Variants in SLC17A9 observed in about 807,000 individuals in gnomAD.
SLC17A9 encodes the protein voltage-gated purine nucleotide uniporter SLC17A9.
In SLC17A9, 49 loss-of-function variants were observed where a neutral mutation model predicts 55.0. The ratio of observed to expected loss-of-function variants is 0.89; its 90% CI spans 0.71 to 1.13. The LOEUF (loss-of-function observed/expected upper bound fraction) is 1.13. Ranked by LOEUF, SLC17A9 falls within the 50% of genes most tolerant of loss-of-function variation. The probability of loss-of-function intolerance (pLI) is 0.00; values close to 1 mark genes in which losing one functional copy is unlikely to be tolerated. For synonymous variants in SLC17A9, 256 were observed against 247.4 expected (o/e 1.03, Z -0.32); for missense variants, 526 against 569.3 (o/e 0.92, Z 0.77).
Position 62,957,576 on chromosome 20 carries a change from C to T in SLC17A9, c.393C>T (p.Leu131=), listed in dbSNP as rs1264200619. ...MTFSRILMGL[L]QGVYFPALTS... ...TCTCACGCATCCTCATGGGCTTGCT[C>T]CAAGGTAAGGGGAGCTCAGGCGGCT... The change falls in exon 3 of 13, where the codon CTC becomes CTT. Residue 131 remains leucine (L), a synonymous_variant. Transcript: ENST00000370351. 1 of 1,556,106 alleles carries T rather than the reference C, an allele frequency of 6.4e-7. No homozygotes were observed. The highest frequency in any genetic ancestry group is 8.7e-7 in the Non-Finnish European group (1 of 1,153,158).
chr20:62,965,625 C>T lies in SLC17A9; in HGVS notation c.961C>T (p.Leu321Phe), dbSNP rs370886208. ...TTTCCTGCAGGGCATGGGCCTTGGC[C>T]TCTCCAGCGTCTTTGCTCTGTGCCT... ...RKLMQGMGLG[L>F]SSVFALCLGH... Residue 321 changes from leucine to phenylalanine, a missense_variant, in exon 10 of 13, where the codon CTC becomes TTC. By Grantham distance (22) the Leu-to-Phe change is conservative. Transcript: ENST00000370351. 5.0e-6 allele frequency: 8 copies of T among 1,613,378 alleles called. 1 individual carries two copies. The African/African-American group carries it at 1.1e-4, about 21-fold the overall frequency.
At chr20:62,957,027 A>G in intron 2 of SLC17A9, 65 bp downstream of exon 2, 1 of 1,599,790 alleles carries the variant, frequency 6.3e-7, no homozygotes. Context: ...TCCAGGGGCG[A>G]GTGGGCTGGC....
chr20:62,960,673 C>T, intron 4 of SLC17A9, 70 bp downstream of exon 4: 2 of 1,447,814 alleles, frequency 1.4e-6, no homozygotes, highest in Non-Finnish European at 1.9e-6. Flanking sequence ...GGCCCCTGGT[C>T]TGCGTGGGGG....
chr20:62,965,643 C>T lies in SLC17A9; in HGVS notation c.979C>T (p.Leu327=). The T allele has an allele frequency of 6.2e-7, 1 of 1,613,884 alleles. No homozygotes were observed. The highest frequency in any genetic ancestry group is 8.5e-7 in the Non-Finnish European group (1 of 1,180,030). ...CCTTGGCCTCTCCAGCGTCTTTGCT[C>T]TGTGCCTGGGCCACACCTCCAGCTT... The part of the protein sequence containing the change: ...MGLGLSSVFA[L]CLGHTSSFCE... The change falls in exon 10 of 13, where the codon CTG becomes TTG. Residue 327 remains leucine, a synonymous_variant. Coordinates refer to ENST00000370351, the MANE Select transcript of SLC17A9 (RefSeq NM_022082.4).
Position 62,957,292 on chromosome 20 carries a change from C to G in SLC17A9, c.258-149C>G, listed in dbSNP as rs76811940. ...TCCCCTGGAGTACCTGGTCTCCTCA[C>G]GAGGCAGCTCTGGGGTCATGAGCAG... On this transcript the variant is annotated intron_variant, in intron 2 of 12. Coordinates refer to ENST00000370351, the MANE Select transcript of SLC17A9 (RefSeq NM_022082.4). The G allele has an allele frequency of 4.7e-3, 6,862 of 1,468,996 alleles. 259 individuals are homozygous for G. In the African/African-American group the frequency reaches 0.086, roughly 18 times the overall value. The allele number at this position is 1,468,996 out of a possible 1,614,324, so 91.0% of individuals were successfully genotyped here. A position where few individuals can be genotyped will look rare whatever the true frequency, so the allele number is the denominator to read the frequency against.
At chr20:62,966,632 G>A in intron 11 of SLC17A9, 52 bp downstream of exon 11, 1 of 1,613,826 alleles carries the variant, frequency 6.2e-7, no homozygotes. Flanking sequence ...CTCCGGGTGG[G>A]TGAGCCATGG....
In SLC17A9 at chr20:62,958,888, C is replaced by T. The variant is rs572687761; in HGVS notation, c.397+1308C>T. 6.6e-6 allele frequency among the ~76,000 whole-genome samples: 1 copy of T among 152,288 alleles called. No individual in the cohort carries two copies. The highest frequency in any genetic ancestry group is 2.1e-4 in the South Asian group (1 of 4,822). The stretch of plus-strand genomic sequence containing the variant: ...AACAAGGGCCCAGTGCATGGCCCAC[C>T]CTCAGAAGAGGGTGCAGCGAGTGCA... On this transcript the variant is annotated intron_variant, in intron 3 of 12. Transcript: ENST00000370351. This position sits in a 1 kb window ranked among gnomAD's most constrained non-coding sequence, Gnocchi z 4.1.
Position 62,964,224 on chromosome 20 carries a change from G to T in SLC17A9, c.823-4G>T. On this transcript the variant is annotated splice_polypyrimidine_tract_variant and splice_region_variant and intron_variant, in intron 7 of 12. Coordinates refer to ENST00000370351, the MANE Select transcript of SLC17A9 (RefSeq NM_022082.4). ...CCCCTCTAAGGCCAAACTCCCCCCT[G>T]CAGGGCTGGATCTTCAACGTGGTTC... 1 of 1,614,176 alleles carries T rather than the reference G, an allele frequency of 6.2e-7. No individual in the cohort carries two copies. The highest frequency in any genetic ancestry group is 8.5e-7 in the Non-Finnish European group (1 of 1,180,012).
rs2065658488 is a variant in SLC17A9, at chr20:62,968,384, C to A, written c.*884C>A. On this transcript the variant is annotated 3_prime_UTR_variant, in exon 13 of 13. Transcript: ENST00000370351. ...TTCTGCTCTCCAGGGACGGTTGGCA[C>A]CTTCCTCGGGGGCGGGCCCCACGCA... is the stretch of plus-strand genomic sequence containing the variant. 1.3e-5 allele frequency: 2 copies of A among 152,274 alleles called. No individual in the cohort carries two copies. Among genetic ancestry groups the A allele is most frequent in the South Asian group, 4.1e-4 (2 of 4,834 alleles). 9.4% of individuals were successfully genotyped at this position (152,274 alleles called of 1,614,324 possible). A position where few individuals can be genotyped will look rare whatever the true frequency, so the allele number is the denominator to read the frequency against.
rs200734758 is a variant in SLC17A9 at position 62,964,221 on chromosome 20, C to A, written c.823-7C>A. 15 of 1,613,910 alleles carry A rather than the reference C, an allele frequency of 9.3e-6. No individual in the cohort carries two copies. Among genetic ancestry groups the A allele is most frequent in the South Asian group, 7.7e-5 (7 of 91,080 alleles). On this transcript the variant is annotated splice_polypyrimidine_tract_variant and splice_region_variant and intron_variant, in intron 7 of 12. Coordinates refer to ENST00000370351, the MANE Select transcript of SLC17A9 (RefSeq NM_022082.4). ...GGCCCCCTCTAAGGCCAAACTCCCCCCTGCAGGGCTGGATCTTCAACGTGG... is the reference window on the plus strand; with the variant it reads ...GGCCCCCTCTAAGGCCAAACTCCCCACTGCAGGGCTGGATCTTCAACGTGG...
At chr20:62,957,087 A>T (rs2065543458) in intron 2 of SLC17A9, 125 bp downstream of exon 2, 1 of 1,362,956 alleles carries the variant, frequency 7.3e-7, no homozygotes, top group Non-Finnish European at 1.0e-6. Flanking sequence ...AGCTTGGTGG[A>T]CACAGAGGAT....
chr20:62,965,103 G>A (rs2147659891), intron 8 of SLC17A9, 29 bp from the exon 9 acceptor site: 1 of 1,613,856 alleles, frequency 6.2e-7, no homozygotes, highest in Non-Finnish European at 8.5e-7. Flanking sequence ...AGGGCTAACG[G>A]GAGCCCCTTC....
chr20:62,962,963 A>G lies in SLC17A9; in HGVS notation c.628+209A>G. 1 of 730,592 alleles carries G rather than the reference A, an allele frequency of 1.4e-6. No individual in the cohort carries two copies. Among genetic ancestry groups the G allele is most frequent in the East Asian group, 2.8e-5 (1 of 35,922 alleles). The allele number at this position is 730,592 out of a possible 1,614,324, so 45.3% of individuals were successfully genotyped here. A position where few individuals can be genotyped will look rare whatever the true frequency, so the allele number is the denominator to read the frequency against. ...GATCTGGAAGGTTCCATCTAGGGCTAAGGCAGACACCCAGGAAGACCTGCT... is the reference window on the plus strand; with the variant it reads ...GATCTGGAAGGTTCCATCTAGGGCTGAGGCAGACACCCAGGAAGACCTGCT... On this transcript the variant is annotated intron_variant, in intron 5 of 12. Coordinates refer to ENST00000370351, the MANE Select transcript of SLC17A9 (RefSeq NM_022082.4). The surrounding 1 kb of genome is among the most constrained non-coding windows in gnomAD (Gnocchi z 5.5).
chr20:62,957,396 G>C, intron 2 of SLC17A9, 45 bp from the exon 3 acceptor site: 1 of 1,534,536 alleles, frequency 6.5e-7, no homozygotes, highest in Non-Finnish European at 8.8e-7. Flanking sequence ...GGTGCCCCTT[G>C]GTCCTGCACA....
rs763978816 is a variant in SLC17A9, at chr20:62,957,808, AGT to A, written c.397+237_397+238del. 4.4e-3 allele frequency among the ~76,000 whole-genome samples: 425 copies of A among 96,544 alleles called. 6 individuals carry two copies. The highest frequency in any genetic ancestry group is 0.014 in the African/African-American group (396 of 28,646). The allele number at this position is 96,544 out of a possible 152,430, so 63.3% of individuals were successfully genotyped here. A position where few individuals can be genotyped will look rare whatever the true frequency, so the allele number is the denominator to read the frequency against. On this transcript the variant is annotated intron_variant, in intron 3 of 12. Coordinates refer to ENST00000370351, the MANE Select transcript of SLC17A9 (RefSeq NM_022082.4). ...GCACCTGTGTGTGTGTGCGTGTGCA[AGT>A]GTGTGTGTATGGGCATGCCCGCGTG...
intron 8 of SLC17A9, among the ~76,000 whole-genome samples, chr20:62,964,669 C>T (rs1192837229): frequency 6.6e-6 from 1 of 152,238 alleles, no homozygotes; most frequent in Admixed American, 6.5e-5. Context: ...GAGCGGGCTG[C>T]GTGTTTCTTC....
chr20:62,959,040 A>G (rs2065566313), intron 3 of SLC17A9, among the ~76,000 whole-genome samples: 1 of 152,196 alleles, frequency 6.6e-6, no homozygotes, highest in Admixed American at 6.5e-5. Context: ...GGAGGAATGA[A>G]CGAATCGGCA....
rs768799274 is a variant in SLC17A9 at position 62,962,476 on chromosome 20, G to C, written c.498-148G>C. 1.3e-5 allele frequency: 13 copies of C among 994,470 alleles called. No individual in the cohort carries two copies. The Middle Eastern group carries it at 1.7e-3, about 129-fold the overall frequency. 61.6% of individuals were successfully genotyped at this position (994,470 alleles called of 1,614,324 possible). ...AGTCCTTAACAAAACAGGCCAGGACGGTGGCTTCTGAGCTGCTCCTCTGGA... is the reference window on the plus strand; with the variant it reads ...AGTCCTTAACAAAACAGGCCAGGACCGTGGCTTCTGAGCTGCTCCTCTGGA... On this transcript the variant is annotated intron_variant, in intron 4 of 12. Coordinates refer to ENST00000370351, the MANE Select transcript of SLC17A9 (RefSeq NM_022082.4). This position sits in a 1 kb window ranked among gnomAD's most constrained non-coding sequence, Gnocchi z 5.5.
chr20:62,959,343 C>T (rs1601090587), intron 3 of SLC17A9, among the ~76,000 whole-genome samples: 2 of 152,208 alleles, frequency 1.3e-5, no homozygotes, highest in South Asian at 2.1e-4. Context: ...TGTTGTGCTA[C>T]GATGACTTGG....
Sources: gnomAD v4.1 joint callset for allele counts (sites outside exome capture counted in the v4.1 genomes callset) on GRCh38, gnomAD v4.1.1 for gene constraint, Gnocchi (gnomAD v3.1) non-coding constraint, MANE v1.5 for transcripts, NCBI Gene and HGNC (gene_info 2026-07-23, HGNC 2026-07-21) for gene names.